The following FRMPD1 variants were observed in gnomAD, a reference collection of about 807,000 sequenced individuals.
The protein encoded by FRMPD1 is FERM and PDZ domain-containing protein 1.
FRMPD1 carries 76 observed loss-of-function variants against 117.8 expected under a neutral mutation model. The observed-to-expected ratio is 0.65, with a 90% CI of 0.54 to 0.78. The LOEUF (loss-of-function observed/expected upper bound fraction) is 0.78. FRMPD1 is among the 30% of genes least tolerant of loss of function. The probability of loss-of-function intolerance (pLI) is 0.00; values close to 1 mark genes in which losing one functional copy is unlikely to be tolerated. For missense variants in FRMPD1, 1,786 were observed against 1,964.5 expected (o/e 0.91, Z 1.72); for synonymous variants, 783 against 770.4 (o/e 1.02, Z -0.27).
chr9:37,653,130 C>T (rs1345392261), intron 1 of FRMPD1, among the ~76,000 whole-genome samples: 1 of 152,166 alleles, frequency 6.6e-6, no homozygotes, highest in Non-Finnish European at 1.5e-5. Context: ...TCTGGAGGCT[C>T]TGAACCTGGG....
chr9:37,630,193 T>C, the FRMPD1 span, among the ~76,000 whole-genome samples: 1 of 152,176 alleles, frequency 6.6e-6, no homozygotes, highest in Non-Finnish European at 1.5e-5. Context: ...ATTCGGTCCA[T>C]AGCACTTGCC....
rs1824695983 is a variant in FRMPD1, at chr9:37,746,084, C to T, written c.4052C>T (p.Thr1351Ile). ...ATCFRGPQPE[T>I]EEEDRDLEAH... ...TGCTTCCGTGGCCCGCAGCCTGAGA[C>T]AGAGGAAGAAGACAGGGACTTGGAA... Residue 1351 changes from threonine to isoleucine, a missense_variant, in exon 16 of 16, where the codon ACA becomes ATA. By Grantham distance (89) the Thr-to-Ile change is moderately conservative (BLOSUM62 -1). Transcript: ENST00000377765. 6.2e-7 allele frequency: 1 copy of T among 1,614,062 alleles called. No homozygotes were observed. Among genetic ancestry groups the T allele is most frequent in the Admixed American group, 1.7e-5 (1 of 60,008 alleles).
chr9:37,740,442 C>T lies in FRMPD1; in HGVS notation c.1914C>T (p.Ser638=), dbSNP rs138994107. 9.3e-4 allele frequency: 1,502 copies of T among 1,614,170 alleles called. 33 individuals carry two copies. In the East Asian group the frequency reaches 0.026, roughly 28 times the overall value. ...FHFGSPGLAE[S]IDSDSQEERS... is the part of the protein sequence containing the mutation. ...TTGGCTCGCCAGGCCTCGCAGAGAGCATTGACTCTGACAGCCAGGAGGAGA... is the reference window on the plus strand; with the variant it reads ...TTGGCTCGCCAGGCCTCGCAGAGAGTATTGACTCTGACAGCCAGGAGGAGA... The change falls in exon 15 of 16, where the codon AGC becomes AGT. Residue 638 remains serine (S), a synonymous_variant. Coordinates refer to ENST00000377765, the MANE Select transcript of FRMPD1 (RefSeq NM_014907.3). The surrounding 1 kb of genome is among the most constrained non-coding windows in gnomAD (Gnocchi z 4.2).
At chr9:37,718,977 T>A in intron 5 of FRMPD1, 92 bp from the exon 6 acceptor site, 1 of 752,892 alleles carries the variant, frequency 1.3e-6, no homozygotes, top group Non-Finnish European at 2.4e-6. Flanking sequence ...GCAACAGCTA[T>A]CAAAGTTTCT....
At chr9:37,717,383 T>TATA (rs1563946703) in intron 5 of FRMPD1, among the ~76,000 whole-genome samples, 2 of 65,676 alleles carry the variant, frequency 3.0e-5, no homozygotes, top group African/African-American at 1.3e-4. Context: ...ATATATATAT[T>TATA]TTTTTTTTTT....
chr9:37,701,847 G>A (rs1163922676), intron 2 of FRMPD1, among the ~76,000 whole-genome samples: 2 of 152,160 alleles, frequency 1.3e-5, no homozygotes, highest in Non-Finnish European at 2.9e-5. Context: ...TAGCAGCCTA[G>A]TAGAAACCTG....
chr9:37,729,382 CAAAAAAAAAA>C (rs60967717), intron 7 of FRMPD1, among the ~76,000 whole-genome samples: 5 of 54,724 alleles, frequency 9.1e-5, no homozygotes, highest in Admixed American at 2.8e-4. Context: ...GAGACCCTCT[CAAAAAAAAAA>C]AAAAAAAAAA....
upstream of FRMPD1, among the ~76,000 whole-genome samples, chr9:37,649,646 C>G (rs903283888): frequency 3.9e-5 from 6 of 152,184 alleles, no homozygotes; most frequent in Non-Finnish European, 7.3e-5. Context: ...CTAGTCTTCC[C>G]CCACCGCCCT....
At chr9:37,678,251 C>CTTTTTTTTTTTTTTTTT (rs34040451) in intron 1 of FRMPD1, among the ~76,000 whole-genome samples, 2 of 79,822 alleles carry the variant, frequency 2.5e-5, no homozygotes, top group African/African-American at 5.2e-5. Context: ...GTACTTACCA[C>CTTTTTTTTTTTTTTTTT]TTTTTTTTTT....
intron 1 of FRMPD1, among the ~76,000 whole-genome samples, chr9:37,690,622 C>A (rs533900706): frequency 6.6e-6 from 1 of 152,132 alleles, no homozygotes; most frequent in African/African-American, 2.4e-5. Context: ...GCAGGGATCC[C>A]GAAAATGTCA....
chr9:37,663,955 T>C (rs900510245), intron 1 of FRMPD1, among the ~76,000 whole-genome samples: 1 of 152,208 alleles, frequency 6.6e-6, no homozygotes, highest in Non-Finnish European at 1.5e-5. Context: ...TTTCCCCGAA[T>C]ATTTTCAGTT....
At chr9:37,686,173 G>A (rs540952156) in intron 1 of FRMPD1, among the ~76,000 whole-genome samples, 8 of 152,334 alleles carry the variant, frequency 5.3e-5, no homozygotes, top group African/African-American at 1.9e-4. Flanking sequence ...TGAAGGAGCT[G>A]AGGATGTTTG....
chr9:37,657,014 A>G (rs6476655), intron 1 of FRMPD1, among the ~76,000 whole-genome samples: 25,351 of 152,180 alleles, frequency 0.17, 2,992 homozygotes, highest in East Asian at 0.47. Context: ...TCAAGGAATG[A>G]TCTGAGAACC....
the FRMPD1 span, among the ~76,000 whole-genome samples, chr9:37,610,471 C>CA: frequency 1.5e-5 from 2 of 131,060 alleles, no homozygotes; most frequent in African/African-American, 3.0e-5. Flanking sequence ...CCCACTCTGT[C>CA]AAAAAAACAA....
Position 37,729,859 on chromosome 9 carries a change from G to A in FRMPD1, c.738+6G>A, listed in dbSNP as rs1355934363. ...AAGAGGAACTCATCCAGCAGGTAGG[G>A]AGGACTGACCGCCTGTTCCTGGGAG... is the stretch of plus-strand genomic sequence containing the variant. On this transcript the variant is annotated splice_donor_region_variant and intron_variant, in intron 8 of 15. Coordinates refer to ENST00000377765, the MANE Select transcript of FRMPD1 (RefSeq NM_014907.3). 2 of 1,612,772 alleles carry A rather than the reference G, an allele frequency of 1.2e-6. No individual in the cohort carries two copies. The highest frequency in any genetic ancestry group is 1.7e-6 in the Non-Finnish European group (2 of 1,179,452).
chr9:37,694,792 A>G (rs1822262978), intron 2 of FRMPD1, among the ~76,000 whole-genome samples: 1 of 152,164 alleles, frequency 6.6e-6, no homozygotes, highest in South Asian at 2.1e-4. Context: ...TTCGCTTAGC[A>G]TAATATATTA....
At chr9:37,706,004 A>AAAT (rs1219871722) in intron 2 of FRMPD1, among the ~76,000 whole-genome samples, 1 of 123,478 alleles carries the variant, frequency 8.1e-6, no homozygotes, top group African/African-American at 3.1e-5. Context: ...AATAAATAAA[A>AAAT]GATTGAAAAA....
At position 37,732,301 on chromosome 9, in the gene FRMPD1, T is replaced by C; in HGVS notation, c.859-3T>C. ...CCCATCTGCTCTATTTAATCTCTTC[T>C]AGAGCTGCAGCGATGTGCTCCAGGA... On this transcript the variant is annotated splice_polypyrimidine_tract_variant and splice_region_variant and intron_variant, in intron 9 of 15. Coordinates refer to ENST00000377765, the MANE Select transcript of FRMPD1 (RefSeq NM_014907.3). 6.2e-7 allele frequency: 1 copy of C among 1,613,240 alleles called. No homozygotes were observed.
intron 1 of FRMPD1, among the ~76,000 whole-genome samples, chr9:37,675,188 T>A (rs1398980585): frequency 6.6e-6 from 1 of 152,106 alleles, no homozygotes; most frequent in Non-Finnish European, 1.5e-5. Flanking sequence ...TTTGGGAGGC[T>A]GAGGTGGTTG....
Sources: allele counts gnomAD v4.1 joint callset (sites outside exome capture counted in the v4.1 genomes callset), GRCh38; gene constraint gnomAD v4.1.1; non-coding constraint Gnocchi (gnomAD v3.1); transcripts MANE v1.5; gene names NCBI Gene and HGNC (gene_info 2026-07-23, HGNC 2026-07-21).